DMD: variants seen among roughly 807,000 people sequenced by gnomAD.
DMD encodes the protein mutant dystrophin.
A neutral mutation model predicts 330.1 loss-of-function variants in DMD; 63 were observed. That is an observed-to-expected ratio of 0.19 (90% CI 0.16 to 0.24). The LOEUF (loss-of-function observed/expected upper bound fraction) is 0.24. Ranked by LOEUF, DMD falls within the 10% of genes least tolerant of loss-of-function variation. DMD has a pLI of 1.00. For missense variants in DMD, 3,344 were observed against 2,684.1 expected (o/e 1.25, Z -5.43); for synonymous variants, 1,223 against 959.8 (o/e 1.27, Z -5.07).
intron 2 of DMD, among the ~76,000 whole-genome samples, chrX:32,881,701 A>T (rs1184298986): frequency 8.9e-6 from 1 of 112,344 alleles, no homozygotes; most frequent in Non-Finnish European, 1.9e-5. Flanking sequence ...TAATCCTTGA[A>T]ATTCAGTCAA....
intron 1 of DMD, among the ~76,000 whole-genome samples, chrX:33,192,011 G>A (rs2050676452): frequency 8.9e-6 from 1 of 111,978 alleles, no homozygotes; most frequent in Admixed American, 9.5e-5. Flanking sequence ...GTAAACAGTG[G>A]ATAAAGGACA....
chrX:32,566,167 T>G (rs1473048615), intron 15 of DMD, among the ~76,000 whole-genome samples: 1 of 111,475 alleles, frequency 9.0e-6, no homozygotes. Context: ...AAAATCCAAG[T>G]GAAAAGGTAA....
rs1340401697 is a variant in DMD, at chrX:32,592,178, AC to A, written c.1602+3578del. Among the ~76,000 whole-genome samples the A allele has an allele frequency of 2.7e-5, 3 of 110,215 alleles. No individual in the cohort carries two copies. The East Asian group carries it at 8.6e-4, about 32-fold the overall frequency. On this transcript the variant is annotated intron_variant, in intron 13 of 78. Transcript: ENST00000357033. The stretch of plus-strand genomic sequence containing the variant: ...CAGAAAGGAGCAGATCCACAGAGAA[AC>A]CCCTCCTTCAAGCCAAGAATGGCCT...
intron 16 of DMD, among the ~76,000 whole-genome samples, chrX:32,547,666 A>C (rs1225040008): frequency 9.0e-6 from 1 of 111,384 alleles, no homozygotes. Context: ...ATAGTTATTG[A>C]CTATAACTAT....
chrX:31,460,131 T>C (rs73450062), intron 59 of DMD, among the ~76,000 whole-genome samples: 5,027 of 111,706 alleles, frequency 0.045, 236 homozygotes, highest in African/African-American at 0.14. Flanking sequence ...ACCACAACCA[T>C]GAACTTTTTC....
intron 44 of DMD, among the ~76,000 whole-genome samples, chrX:31,969,459 A>G: frequency 9.0e-6 from 1 of 111,512 alleles, no homozygotes; most frequent in East Asian, 2.8e-4. Context: ...TTAAATCTGA[A>G]TGACTCAAAT....
chrX:32,977,352 C>T (rs1030959410), intron 2 of DMD, among the ~76,000 whole-genome samples: 7 of 110,864 alleles, frequency 6.3e-5, no homozygotes, highest in Admixed American at 9.7e-5. Flanking sequence ...TAAGATAATA[C>T]ACCCAATTGA....
intron 2 of DMD, among the ~76,000 whole-genome samples, chrX:32,998,232 T>C (rs1301459530): frequency 9.3e-6 from 1 of 107,953 alleles, no homozygotes; most frequent in African/African-American, 3.4e-5. Flanking sequence ...TAGCCCGGCA[T>C]GGTGGTGCAT....
intron 52 of DMD, among the ~76,000 whole-genome samples, chrX:31,705,176 G>A (rs1401482366): frequency 2.7e-5 from 3 of 112,111 alleles, no homozygotes; most frequent in Non-Finnish European, 3.8e-5. Flanking sequence ...TAGATTGGAG[G>A]GGAGGGCAAA....
At chrX:31,391,647 C>A (rs748536255) in intron 60 of DMD, among the ~76,000 whole-genome samples, 2 of 109,493 alleles carry the variant, frequency 1.8e-5, no homozygotes, top group Non-Finnish European at 3.8e-5. Context: ...CTGAGATGGG[C>A]GGATCACGAG....
chrX:33,161,803 T>C (rs2048786811), intron 1 of DMD, among the ~76,000 whole-genome samples: 1 of 112,019 alleles, frequency 8.9e-6, no homozygotes, highest in Non-Finnish European at 1.9e-5. Flanking sequence ...GTCAACAACA[T>C]TTAATTTACT....
intron 44 of DMD, among the ~76,000 whole-genome samples, chrX:32,046,417 A>G (rs186187949): frequency 8.9e-6 from 1 of 112,740 alleles, no homozygotes; most frequent in East Asian, 2.8e-4. Context: ...TTTTTGCATT[A>G]AAAGTTCAAT....
At chrX:32,277,470 T>C (rs2097394976) in intron 43 of DMD, among the ~76,000 whole-genome samples, 1 of 111,764 alleles carries the variant, frequency 8.9e-6, no homozygotes, top group Non-Finnish European at 1.9e-5. Flanking sequence ...ATAGAATAAA[T>C]GGATCTAATA....
intron 9 of DMD, among the ~76,000 whole-genome samples, chrX:32,659,001 G>A (rs1329970630): frequency 8.9e-6 from 1 of 111,908 alleles, no homozygotes; most frequent in Non-Finnish European, 1.9e-5. Context: ...TACAGCGATT[G>A]TATTGACATT....
intron 44 of DMD, among the ~76,000 whole-genome samples, chrX:32,107,336 ATATG>A (rs1181491457): frequency 1.2e-4 from 7 of 59,070 alleles, no homozygotes; most frequent in East Asian, 1.2e-3. Flanking sequence ...ATATATAATT[ATATG>A]TGTGTGTGTG....
In DMD at chrX:32,199,003, G is replaced by A. The variant is rs764238912; in HGVS notation, c.6438+17913C>T. 4.5e-5 allele frequency among the ~76,000 whole-genome samples: 5 copies of A among 112,229 alleles called. No individual in the cohort carries two copies. In the South Asian group the frequency reaches 1.5e-3, roughly 33 times the overall value. Reference sequence around the variant, plus strand: ...TTTTCTCTTCCATCAGCAGCACAGCGATGTACAATAAGGAAATAAAGTAAA... The same window carrying A: ...TTTTCTCTTCCATCAGCAGCACAGCAATGTACAATAAGGAAATAAAGTAAA... On this transcript the variant is annotated intron_variant, in intron 44 of 78. Coordinates refer to ENST00000357033, the MANE Select transcript of DMD (RefSeq NM_004006.3).
intron 51 of DMD, among the ~76,000 whole-genome samples, chrX:31,730,033 G>A (rs2086384536): frequency 8.9e-6 from 1 of 111,851 alleles, no homozygotes; most frequent in Admixed American, 9.5e-5. Flanking sequence ...CTGTCTGAAT[G>A]CCTTGAGTAA....
intron 52 of DMD, among the ~76,000 whole-genome samples, chrX:31,712,229 T>C (rs2084692069): frequency 8.9e-6 from 1 of 111,802 alleles, no homozygotes; most frequent in African/African-American, 3.3e-5. Flanking sequence ...TTTGATGGGA[T>C]AGAGAAGTAA....
chrX:31,336,909 T>C (rs2057431943), intron 61 of DMD, among the ~76,000 whole-genome samples: 1 of 104,270 alleles, frequency 9.6e-6, no homozygotes, highest in Non-Finnish European at 2.0e-5. Flanking sequence ...TGTTCCATGT[T>C]ATTCTTTTCT....
Sources: allele counts gnomAD v4.1 joint callset (sites outside exome capture counted in the v4.1 genomes callset), GRCh38; gene constraint gnomAD v4.1.1; transcripts MANE v1.5; gene names NCBI Gene and HGNC (gene_info 2026-07-23, HGNC 2026-07-21).